The following TRAPPC9 variants were observed in gnomAD, a reference collection of about 807,000 sequenced individuals.
TRAPPC9 encodes IKK2 binding protein.
Under a neutral mutation model 124.0 loss-of-function variants are expected in TRAPPC9, and 83 were observed. The observed-to-expected ratio is 0.67, with a 90% confidence interval of 0.56 to 0.80. TRAPPC9 has a LOEUF of 0.80. TRAPPC9 is among the 30% of genes least tolerant of loss of function. TRAPPC9 has a pLI of 0.00. For missense variants in TRAPPC9, 1,302 were observed against 1,508.3 expected (o/e 0.86, Z 2.27); for synonymous variants, 638 against 617.5 (o/e 1.03, Z -0.49).
chr8:140,151,075 G>A (rs1268917263), intron 17 of TRAPPC9, among the ~76,000 whole-genome samples: 1 of 152,126 alleles, frequency 6.6e-6, no homozygotes, highest in East Asian at 1.9e-4. Context: ...CAGCTGCACC[G>A]GAACAGAAAT....
chr8:140,297,114 C>T (rs73714855), intron 11 of TRAPPC9, among the ~76,000 whole-genome samples: 1,969 of 152,320 alleles, frequency 0.013, 45 homozygotes, highest in African/African-American at 0.045. Flanking sequence ...CTCTCTCCTG[C>T]TTACCGCAAC....
Position 139,831,446 on chromosome 8 carries a change from C to T in TRAPPC9, c.3055+54433G>A, listed in dbSNP as rs77902578. ...CTCTTCCCACGCACTCACATGCATG[C>T]AAGCACGCACACTAACACACACACG... On this transcript the variant is annotated intron_variant, in intron 21 of 22. Transcript: ENST00000438773. Among the ~76,000 whole-genome samples, 1,161 of 152,300 alleles carry T rather than the reference C, an allele frequency of 7.6e-3. 17 individuals carry two copies. Among genetic ancestry groups the T allele is most frequent in the African/African-American group, 0.026 (1,081 of 41,556 alleles).
chr8:140,197,028 C>T (rs551725241), intron 17 of TRAPPC9, among the ~76,000 whole-genome samples: 3 of 152,206 alleles, frequency 2.0e-5, no homozygotes, highest in Non-Finnish European at 4.4e-5. Flanking sequence ...GAGTAACACT[C>T]GGTAAATGTA....
chr8:140,272,388 TGATGGTGGC>T (rs1306219588), intron 15 of TRAPPC9, among the ~76,000 whole-genome samples: 36 of 131,236 alleles, frequency 2.7e-4, no homozygotes, highest in African/African-American at 5.0e-4. Context: ...GTGATGATGG[TGATGGTGGC>T]GATGGTGATA....
intron 18 of TRAPPC9, among the ~76,000 whole-genome samples, chr8:139,992,653 T>C (rs1314669132): frequency 1.3e-5 from 2 of 149,256 alleles, no homozygotes; most frequent in East Asian, 1.9e-4. Context: ...TCTGGCCTAC[T>C]AGATGTCAGG....
Position 140,225,802 on chromosome 8 carries a change from CACCCCTCTCTCTG to C in TRAPPC9, c.2432-4232_2432-4220del, listed in dbSNP as rs2063438297. 2.0e-5 allele frequency among the ~76,000 whole-genome samples: 3 copies of C among 152,142 alleles called. No homozygotes were observed. The South Asian group carries it at 6.2e-4, about 32-fold the overall frequency. The stretch of plus-strand genomic sequence containing the variant: ...GTGTCTGTGTGTCTCTCTGTATCTC[CACCCCTCTCTCTG>C]ACATATACACAGGACCCGTAATACA... On this transcript the variant is annotated intron_variant, in intron 16 of 22. Transcript: ENST00000438773.
At chr8:140,342,562 A>G (rs887821150) in intron 9 of TRAPPC9, among the ~76,000 whole-genome samples, 2 of 152,326 alleles carry the variant, frequency 1.3e-5, no homozygotes, top group Admixed American at 6.5e-5. Context: ...AAGGGATTGC[A>G]TAAATTGCAA....
intron 21 of TRAPPC9, among the ~76,000 whole-genome samples, chr8:139,803,785 T>C (rs1823734116): frequency 6.6e-6 from 1 of 152,216 alleles, no homozygotes; most frequent in African/African-American, 2.4e-5. Context: ...CTGTCTAGTT[T>C]CTTTTCTCAG....
At chr8:140,253,550 CCT>C (rs1474031394) in intron 15 of TRAPPC9, among the ~76,000 whole-genome samples, 1 of 152,048 alleles carries the variant, frequency 6.6e-6, no homozygotes, top group Non-Finnish European at 1.5e-5. Context: ...TGGCAGCGCG[CCT>C]CTGTAATCCC....
rs144324097 is a variant in TRAPPC9, at chr8:140,244,888, T to G, written c.2431+7889A>C. ...GTGGCGCAATCTCGGCTCACTGCAA[T>G]CTCTGCTTTCTGGGTTCAAGCGATT... On this transcript the variant is annotated intron_variant, in intron 16 of 22. Transcript: ENST00000438773. Among the ~76,000 whole-genome samples, 927 of 144,940 alleles carry G rather than the reference T, an allele frequency of 6.4e-3. 7 individuals are homozygous for G. Among genetic ancestry groups the G allele is most frequent in the Non-Finnish European group, 0.011 (723 of 66,436 alleles).
chr8:140,362,242 C>A (rs1027383144), intron 8 of TRAPPC9, among the ~76,000 whole-genome samples: 1 of 152,194 alleles, frequency 6.6e-6, no homozygotes, highest in African/African-American at 2.4e-5. Flanking sequence ...ACTTAACACA[C>A]ACGTGGATCA....
At chr8:140,165,047 G>T (rs2061810924) in intron 17 of TRAPPC9, among the ~76,000 whole-genome samples, 1 of 152,202 alleles carries the variant, frequency 6.6e-6, no homozygotes, top group South Asian at 2.1e-4. Flanking sequence ...ATGTTTTAAT[G>T]GATAAACAGA....
chr8:140,173,416 T>C (rs1220124483), intron 17 of TRAPPC9, among the ~76,000 whole-genome samples: 1 of 151,938 alleles, frequency 6.6e-6, no homozygotes, highest in Non-Finnish European at 1.5e-5. Flanking sequence ...TAGCCAGGCT[T>C]GGTGGCGGGT....
At chr8:140,131,501 TCCA>T (rs2061208124) in intron 17 of TRAPPC9, among the ~76,000 whole-genome samples, 1 of 152,114 alleles carries the variant, frequency 6.6e-6, no homozygotes, top group Non-Finnish European at 1.5e-5. Flanking sequence ...TCCAACTACA[TCCA>T]GAGAATGCCA....
At chr8:140,271,348 G>GA (rs1056227846) in intron 15 of TRAPPC9, among the ~76,000 whole-genome samples, 1 of 152,106 alleles carries the variant, frequency 6.6e-6, no homozygotes, top group African/African-American at 2.4e-5. Context: ...ATTTTTAAAA[G>GA]AAAAAATGAT....
intron 21 of TRAPPC9, among the ~76,000 whole-genome samples, chr8:139,758,322 C>G (rs1217888397): frequency 1.3e-5 from 2 of 152,198 alleles, no homozygotes; most frequent in African/African-American, 4.8e-5. Flanking sequence ...GCCCACGTCG[C>G]GTGCTTTACA....
chr8:140,312,701 T>C (rs566496737), intron 9 of TRAPPC9, among the ~76,000 whole-genome samples: 1 of 152,154 alleles, frequency 6.6e-6, no homozygotes, highest in Non-Finnish European at 1.5e-5. Flanking sequence ...CATGTATTAA[T>C]TGTTAAACTG....
intron 6 of TRAPPC9, 47 bp downstream of exon 6, chr8:140,405,530 T>C: frequency 6.2e-7 from 1 of 1,609,462 alleles, no homozygotes; most frequent in African/African-American, 1.3e-5. Context: ...AAACTTCTGA[T>C]TAAACAACAC....
chr8:140,180,583 A>G (rs368486064), intron 17 of TRAPPC9, among the ~76,000 whole-genome samples: 19 of 152,096 alleles, frequency 1.2e-4, no homozygotes, highest in African/African-American at 4.6e-4. Flanking sequence ...ACTCTAGCAG[A>G]GTAAGTCTTC....
Sources: allele counts gnomAD v4.1 joint callset (sites outside exome capture counted in the v4.1 genomes callset), GRCh38; gene constraint gnomAD v4.1.1; transcripts MANE v1.5; gene names NCBI Gene and HGNC (gene_info 2026-07-23, HGNC 2026-07-21).